Variants in ZNF521 observed in about 807,000 individuals in gnomAD.
ZNF521 encodes the protein zinc finger protein 521.
In ZNF521, 14 loss-of-function variants were observed where a neutral mutation model predicts 105.5. The observed-to-expected ratio is 0.13, with a 90% confidence interval of 0.09 to 0.21. The LOEUF (loss-of-function observed/expected upper bound fraction) is 0.21, where lower values mean the gene tolerates loss of function less well. Among genes scored for constraint, ZNF521 ranks in the 10% least tolerant of loss-of-function variants. ZNF521 has a pLI of 1.00. For synonymous variants in ZNF521, 635 were observed against 606.0 expected, an observed-to-expected ratio of 1.05 and a Z score of -0.70; for missense variants, 1,233 against 1,629.7, an observed-to-expected ratio of 0.76 and a Z score of 4.19.
chr18:25,158,799 T>TA (rs1341568295), intron 5 of ZNF521, among the ~76,000 whole-genome samples: 26 of 151,806 alleles, frequency 1.7e-4, no homozygotes, highest in African/African-American at 5.8e-4. Context: ...CTACTAAAAA[T>TA]ACAAAAAATT....
chr18:25,089,381 C>T lies in ZNF521; in HGVS notation c.3906+84G>A. 5 of 1,047,274 alleles carry T rather than the reference C, an allele frequency of 4.8e-6. No individual in the cohort carries two copies. The South Asian group carries it at 7.0e-5, about 15-fold the overall frequency. The allele number at this position is 1,047,274 out of a possible 1,614,324, so 64.9% of individuals were successfully genotyped here. ...TCATGGTGGCCCAGGGTGAGTGATACTGTGAATCCAGATTTAAAATGCCCC... is the reference window on the plus strand; with the variant it reads ...TCATGGTGGCCCAGGGTGAGTGATATTGTGAATCCAGATTTAAAATGCCCC... On this transcript the variant is annotated intron_variant, in intron 7 of 7. Transcript: ENST00000361524.
chr18:25,089,625 A>C (rs1279186229), intron 6 of ZNF521, 45 bp from the exon 7 acceptor site: 1 of 1,519,530 alleles, frequency 6.6e-7, no homozygotes, highest in Non-Finnish European at 9.1e-7. Context: ...TTTGTTTCCG[A>C]AATGCCCTCA....
intron 5 of ZNF521, among the ~76,000 whole-genome samples, chr18:25,122,702 T>C (rs997356744): frequency 2.0e-5 from 3 of 152,154 alleles, no homozygotes; most frequent in Non-Finnish European, 4.4e-5. Context: ...CTCCCTCTGA[T>C]TGGAATGCAG....
At chr18:25,079,875 C>T (rs1470538728) in intron 7 of ZNF521, among the ~76,000 whole-genome samples, 1 of 152,214 alleles carries the variant, frequency 6.6e-6, no homozygotes, top group Non-Finnish European at 1.5e-5. Context: ...GCAAAGCACA[C>T]TGCTGATATT....
At chr18:25,075,350 G>A (rs117251152) in intron 7 of ZNF521, among the ~76,000 whole-genome samples, 2,591 of 152,352 alleles carry the variant, frequency 0.017, 25 homozygotes, top group Middle Eastern at 0.031. Context: ...AATATTCCCA[G>A]AGAGTTGTTA....
At chr18:25,277,195 A>G (rs1910089712) in intron 3 of ZNF521, among the ~76,000 whole-genome samples, 1 of 152,142 alleles carries the variant, frequency 6.6e-6, no homozygotes, top group South Asian at 2.1e-4. Flanking sequence ...AAAAAAAAAA[A>G]AAGTGTATCT....
intron 4 of ZNF521, among the ~76,000 whole-genome samples, chr18:25,206,194 G>A (rs2036076892): frequency 6.6e-6 from 1 of 152,012 alleles, no homozygotes; most frequent in Non-Finnish European, 1.5e-5. Flanking sequence ...TTTTAGTAGA[G>A]ATGGGGTTTT....
At chr18:25,082,702 T>C (rs1303473515) in intron 7 of ZNF521, 1 of 413,728 alleles carries the variant, frequency 2.4e-6, no homozygotes, top group Admixed American at 2.7e-5. Flanking sequence ...ATTAGCTGGG[T>C]GTGGCAGTGT....
intron 5 of ZNF521, among the ~76,000 whole-genome samples, chr18:25,165,386 C>CTGAAG (rs1395449147): frequency 2.6e-5 from 4 of 152,312 alleles, no homozygotes; most frequent in Admixed American, 2.6e-4. Context: ...TTCAGTAATT[C>CTGAAG]AATCCCTGTG....
intron 5 of ZNF521, among the ~76,000 whole-genome samples, chr18:25,101,739 C>A (rs560431459): frequency 6.6e-6 from 1 of 152,152 alleles, no homozygotes; most frequent in Non-Finnish European, 1.5e-5. Context: ...CAAAGGGAAG[C>A]AGCAGGGAGA....
chr18:25,277,709 T>C (rs920674107), intron 3 of ZNF521, among the ~76,000 whole-genome samples: 8 of 152,358 alleles, frequency 5.3e-5, no homozygotes, highest in African/African-American at 1.9e-4. Context: ...ACTATATTTT[T>C]ATGGGTGAAA....
At position 25,224,671 on chromosome 18, in the gene ZNF521, G is replaced by C. The variant is rs1360199317; in HGVS notation, c.3247C>G (p.Leu1083Val). 2 of 1,613,956 alleles carry C rather than the reference G, an allele frequency of 1.2e-6. No individual in the cohort carries two copies. Among genetic ancestry groups the C allele is most frequent in the Non-Finnish European group, 1.7e-6 (2 of 1,180,024 alleles). Residue 1083 changes from leucine (L) to valine (V), a missense_variant, in exon 4 of 8, where the codon CTT becomes GTT. Coordinates refer to ENST00000361524, the MANE Select transcript of ZNF521 (RefSeq NM_015461.3). Reference protein sequence around the residue: ...EFRSKQDLVKLDINGLPYGLC... With the variant: ...EFRSKQDLVKVDINGLPYGLC... Reference sequence around the variant, plus strand: ...CCATATGGCAGGCCATTGATATCAAGTTTCACCAGATCTTGCTTGGAACGG... The same window carrying C: ...CCATATGGCAGGCCATTGATATCAACTTTCACCAGATCTTGCTTGGAACGG...
At position 25,103,666 on chromosome 18, in the gene ZNF521, T is replaced by C. The variant is rs558414099; in HGVS notation, c.3659-11585A>G. On this transcript the variant is annotated intron_variant, in intron 5 of 7. Coordinates refer to ENST00000361524, the MANE Select transcript of ZNF521 (RefSeq NM_015461.3). ...ATGTTACTGGCATATCAATGAATCA[T>C]ACTCATTTCTAGTTCCTTCTGCTGT... Among the ~76,000 whole-genome samples, 7 of 152,268 alleles carry C rather than the reference T, an allele frequency of 4.6e-5. No homozygotes were observed. The East Asian group carries it at 1.3e-3, about 29-fold the overall frequency.
At chr18:25,210,925 T>C (rs1184186147) in intron 4 of ZNF521, among the ~76,000 whole-genome samples, 1 of 152,220 alleles carries the variant, frequency 6.6e-6, no homozygotes, top group Admixed American at 6.5e-5. Flanking sequence ...TGTATAAAGC[T>C]TCTCCTCTTT....
intron 5 of ZNF521, among the ~76,000 whole-genome samples, chr18:25,173,124 G>A (rs761096993): frequency 2.4e-4 from 36 of 152,180 alleles, no homozygotes; most frequent in Non-Finnish European, 4.7e-4. Context: ...ATCTGAGTGC[G>A]TCCTACAGTG....
At chr18:25,171,036 G>C (rs1295616809) in intron 5 of ZNF521, among the ~76,000 whole-genome samples, 1 of 152,082 alleles carries the variant, frequency 6.6e-6, no homozygotes, top group Non-Finnish European at 1.5e-5. Context: ...TTAGTTATGA[G>C]AGACAGACAA....
Position 25,322,086 on chromosome 18 carries a change from T to G in ZNF521, c.142A>C (p.Ser48Arg). ...GEELEDEAVHSCDSCLQVFES... is the reference protein window; with the variant it reads ...GEELEDEAVHRCDSCLQVFES... ...AACACCTGGAGGCAGCTGTCACAGC[T>G]GTGCACAGCTTCGTCTTCCAACTCC... The change falls in exon 3 of 8, where the codon AGC becomes CGC. Residue 48 changes from serine to arginine, a missense_variant. Physicochemically the swap from Ser to Arg is moderately radical, Grantham distance 110 (BLOSUM62 -1). Coordinates refer to ENST00000361524, the MANE Select transcript of ZNF521 (RefSeq NM_015461.3). The G allele has an allele frequency of 6.2e-7, 1 of 1,614,234 alleles. No individual in the cohort carries two copies. Among genetic ancestry groups the G allele is most frequent in the Non-Finnish European group, 8.5e-7 (1 of 1,180,040 alleles).
intron 4 of ZNF521, among the ~76,000 whole-genome samples, chr18:25,216,021 G>A (rs1249278598): frequency 6.6e-6 from 1 of 152,124 alleles, no homozygotes; most frequent in Non-Finnish European, 1.5e-5. Context: ...TTTAAATACT[G>A]TCTCTTTAGA....
chr18:25,264,214 G>T (rs1023861900), intron 3 of ZNF521, among the ~76,000 whole-genome samples: 4 of 152,152 alleles, frequency 2.6e-5, no homozygotes, highest in Non-Finnish European at 5.9e-5. Context: ...AGGATTAAAT[G>T]AGGGGATTAG....
Sources: allele counts gnomAD v4.1 joint callset (sites outside exome capture counted in the v4.1 genomes callset), GRCh38; gene constraint gnomAD v4.1.1; transcripts MANE v1.5; gene names NCBI Gene and HGNC (gene_info 2026-07-23, HGNC 2026-07-21).